SIRPB1: variants seen among roughly 807,000 people sequenced by gnomAD.
SIRPB1 encodes the protein signal regulatory protein beta 1, also known as signal-regulatory protein beta-1.
Under a neutral mutation model 34.1 loss-of-function variants are expected in SIRPB1, and 28 were observed. The observed-to-expected ratio is 0.82, with a 90% CI of 0.61 to 1.12. SIRPB1 has a LOEUF of 1.12. Among genes scored for constraint, SIRPB1 ranks in the 50% most tolerant of loss-of-function variants. The pLI is 0.00. For missense variants in SIRPB1, 499 were observed against 507.0 expected, an observed-to-expected ratio of 0.98 and a Z score of 0.15; for synonymous variants, 211 against 203.8, an observed-to-expected ratio of 1.04 and a Z score of -0.30.
chr20:1,615,597 T>C (rs2091618175), intron 1 of SIRPB1, among the ~76,000 whole-genome samples: 1 of 152,170 alleles, frequency 6.6e-6, no homozygotes, highest in Non-Finnish European at 1.5e-5. Context: ...ACTAGCTGAG[T>C]TCAGCAGCAT....
chr20:1,577,726 G>T (rs2091336513), intron 2 of SIRPB1, among the ~76,000 whole-genome samples: 1 of 146,448 alleles, frequency 6.8e-6, no homozygotes, highest in South Asian at 2.1e-4. Flanking sequence ...CCGTGAATGT[G>T]CCTCCGAGAA....
intron 2 of SIRPB1, among the ~76,000 whole-genome samples, chr20:1,577,188 T>G (rs1259189095): frequency 6.8e-6 from 1 of 148,140 alleles, no homozygotes; most frequent in African/African-American, 2.5e-5. Context: ...AAAAGAGAAA[T>G]GCTGGCTCTC....
At chr20:1,567,768 A>G (rs898606197) in intron 4 of SIRPB1, among the ~76,000 whole-genome samples, 3 of 150,266 alleles carry the variant, frequency 2.0e-5, no homozygotes, top group Admixed American at 1.3e-4. Context: ...AATGGTCGTT[A>G]TAAGAACTAA....
Position 1,564,485 on chromosome 20 carries a change from T to A in SIRPB1, c.*1015A>T, listed in dbSNP as rs2091102217. The A allele has an allele frequency of 6.4e-6, 1 of 156,362 alleles. No individual in the cohort carries two copies. Among genetic ancestry groups the A allele is most frequent in the Non-Finnish European group, 1.4e-5 (1 of 70,910 alleles). 9.7% of individuals were successfully genotyped at this position (156,362 alleles called of 1,614,324 possible). A position where few individuals can be genotyped will look rare whatever the true frequency, so the allele number is the denominator to read the frequency against. ...TGTTGGGGAAGAAGCAGAGAAGTGA[T>A]ATGATTTGACTTTTCCAAAGAATCA... On this transcript the variant is annotated 3_prime_UTR_variant, in exon 6 of 6. Transcript: ENST00000381605.
intron 4 of SIRPB1, among the ~76,000 whole-genome samples, chr20:1,566,922 G>A (rs2091145797): frequency 2.6e-5 from 4 of 152,078 alleles, no homozygotes; most frequent in African/African-American, 7.2e-5. Flanking sequence ...AATGTGCCTC[G>A]GGCTTGGAAG....
In SIRPB1 at chr20:1,611,357, C is replaced by G. The variant is rs761665632; in HGVS notation, c.76+8512G>C. ...TGAAGGAAGCCCACGCTGTACTCACCACGCACAGACAGCTCGGTGCCTGCT... is the reference window on the plus strand; with the variant it reads ...TGAAGGAAGCCCACGCTGTACTCACGACGCACAGACAGCTCGGTGCCTGCT... On this transcript the variant is annotated intron_variant, in intron 1 of 5. Transcript: ENST00000381605. 1.5e-5 allele frequency: 14 copies of G among 907,450 alleles called. 5 individuals are homozygous for G. In the South Asian group the frequency reaches 1.9e-4, roughly 12 times the overall value. 56.2% of individuals were successfully genotyped at this position (907,450 alleles called of 1,614,324 possible).
intron 4 of SIRPB1, among the ~76,000 whole-genome samples, chr20:1,569,790 C>T (rs1201917098): frequency 3.3e-5 from 5 of 152,068 alleles, no homozygotes; most frequent in African/African-American, 9.7e-5. Context: ...GGGGTTGGGC[C>T]CTGATGGGGA....
Position 1,562,778 on chromosome 20 carries a change from G to T in SIRPB1, c.*2722C>A, listed in dbSNP as rs540495591. Among the ~76,000 whole-genome samples the T allele has an allele frequency of 1.3e-5, 2 of 152,292 alleles. No homozygotes were observed. The highest frequency in any genetic ancestry group is 4.1e-4 in the South Asian group (2 of 4,830). ...AAACAGCAAATCCTATAGTTGGGTTGCCTCCTTGCCTCCCAGTGATGAGCC... is the reference window on the plus strand; with the variant it reads ...AAACAGCAAATCCTATAGTTGGGTTTCCTCCTTGCCTCCCAGTGATGAGCC... On this transcript the variant is annotated 3_prime_UTR_variant, in exon 6 of 6. Coordinates refer to ENST00000381605, the MANE Select transcript of SIRPB1 (RefSeq NM_006065.5).
At chr20:1,572,480 G>GC (rs2091257031) in intron 2 of SIRPB1, among the ~76,000 whole-genome samples, 1 of 150,940 alleles carries the variant, frequency 6.6e-6, no homozygotes, top group African/African-American at 2.4e-5. Context: ...AGGCTGCTCA[G>GC]CCCAGGACAG....
At chr20:1,570,460 C>T (rs910615657) in intron 4 of SIRPB1, 9 of 193,484 alleles carry the variant, frequency 4.7e-5, no homozygotes, top group African/African-American at 1.9e-4. Context: ...GCTGTGCTGG[C>T]GAGAAATGCA....
chr20:1,617,450 G>A (rs2091646213), intron 1 of SIRPB1, among the ~76,000 whole-genome samples: 1 of 152,120 alleles, frequency 6.6e-6, no homozygotes, highest in African/African-American at 2.4e-5. Flanking sequence ...AGACAATACT[G>A]CATAATGTCT....
intron 1 of SIRPB1, among the ~76,000 whole-genome samples, chr20:1,616,788 C>A (rs148368443): frequency 1.8e-4 from 28 of 152,252 alleles, no homozygotes; most frequent in African/African-American, 6.5e-4. Flanking sequence ...AAGATATTTG[C>A]TAGCCATGCA....
intron 1 of SIRPB1, among the ~76,000 whole-genome samples, chr20:1,585,051 T>A (rs2091416972): frequency 2.0e-5 from 1 of 48,992 alleles, no homozygotes; most frequent in Admixed American, 1.4e-4. Flanking sequence ...TGAATATCCA[T>A]GTGTAGAGAA....
At position 1,604,353 on chromosome 20, in the gene SIRPB1, T is replaced by A. The variant is rs1189878779; in HGVS notation, c.76+15516A>T. Among the ~76,000 whole-genome samples the A allele has an allele frequency of 3.4e-4, 16 of 47,636 alleles. 6 individuals carry two copies. The highest frequency in any genetic ancestry group is 1.5e-3 in the Admixed American group (11 of 7,324). 31.3% of individuals were successfully genotyped at this position (47,636 alleles called of 152,430 possible). On this transcript the variant is annotated intron_variant, in intron 1 of 5. Coordinates refer to ENST00000381605, the MANE Select transcript of SIRPB1 (RefSeq NM_006065.5). ...CAGTAGGTGCTCAAGGACTGGTAGC[T>A]CCTACTAGGCTAAGAATGAGGGAAA...
chr20:1,572,545 C>T (rs537427259), intron 2 of SIRPB1, among the ~76,000 whole-genome samples: 4 of 151,296 alleles, frequency 2.6e-5, no homozygotes, highest in Non-Finnish European at 4.4e-5. Context: ...CGGAGGACGG[C>T]GTTTCTACTT....
In SIRPB1 at chr20:1,620,009, T is replaced by C. The variant is rs897470773; in HGVS notation, c.-65A>G. On this transcript the variant is annotated 5_prime_UTR_variant, in exon 1 of 6. Coordinates refer to ENST00000381605, the MANE Select transcript of SIRPB1 (RefSeq NM_006065.5). ...GCTGGGAAGATCGCAGACTCTGCTC[T>C]GAGGAGAGAAGACAAGCCCTGCCTC... is the stretch of plus-strand genomic sequence containing the variant. 2.7e-6 allele frequency: 4 copies of C among 1,473,570 alleles called. No homozygotes were observed. Among genetic ancestry groups the C allele is most frequent in the South Asian group, 2.6e-5 (2 of 77,982 alleles). 91.3% of individuals were successfully genotyped at this position (1,473,570 alleles called of 1,614,324 possible). A position where few individuals can be genotyped will look rare whatever the true frequency, so the allele number is the denominator to read the frequency against.
At chr20:1,614,905 T>G (rs990679518) in intron 1 of SIRPB1, among the ~76,000 whole-genome samples, 1 of 152,184 alleles carries the variant, frequency 6.6e-6, no homozygotes, top group African/African-American at 2.4e-5. Context: ...TACAGCTTTG[T>G]GTTGCCTTTT....
intron 1 of SIRPB1, among the ~76,000 whole-genome samples, chr20:1,615,184 A>C (rs1034884129): frequency 6.6e-6 from 1 of 152,198 alleles, no homozygotes; most frequent in Non-Finnish European, 1.5e-5. Flanking sequence ...TGAATTAACA[A>C]ATAAAAGTAT....
chr20:1,561,944 A>G lies in SIRPB1; in HGVS notation c.*3556T>C, dbSNP rs1412422705. Among the ~76,000 whole-genome samples the G allele has an allele frequency of 2.0e-5, 3 of 152,208 alleles. No homozygotes were observed. Among genetic ancestry groups the G allele is most frequent in the Non-Finnish European group, 2.9e-5 (2 of 68,040 alleles). On this transcript the variant is annotated 3_prime_UTR_variant, in exon 6 of 6. Transcript: ENST00000381605. Reference sequence around the variant, plus strand: ...AATAAATTATCTGGGACTCTTCTGCACTGGAGATTCTTCTCTTCTTTCCCA... The same window carrying G: ...AATAAATTATCTGGGACTCTTCTGCGCTGGAGATTCTTCTCTTCTTTCCCA...
Sources: gnomAD v4.1 joint callset for allele counts (sites outside exome capture counted in the v4.1 genomes callset) on GRCh38, gnomAD v4.1.1 for gene constraint, MANE v1.5 for transcripts, NCBI Gene and HGNC (gene_info 2026-07-23, HGNC 2026-07-21) for gene names.